The following SLC2A9 variants were observed in gnomAD, a reference collection of about 807,000 sequenced individuals.
The protein encoded by SLC2A9 is solute carrier family 2 member 9.
A neutral mutation model predicts 50.6 loss-of-function variants in SLC2A9; 39 were observed. That is an observed-to-expected ratio of 0.77 (90% CI 0.60 to 1.01). SLC2A9 has a LOEUF of 1.01. Ranked by LOEUF, SLC2A9 falls within the 50% of genes least tolerant of loss-of-function variation. The pLI is 0.00. For synonymous variants in SLC2A9, 324 were observed against 276.9 expected, an observed-to-expected ratio of 1.17 and a Z score of -1.69; for missense variants, 686 against 677.6, an observed-to-expected ratio of 1.01 and a Z score of -0.14.
rs1295389510 is a variant in SLC2A9 at position 9,929,038 on chromosome 4, T to C, written c.815-8466A>G. Among the ~76,000 whole-genome samples the C allele has an allele frequency of 3.3e-5, 5 of 152,256 alleles. No homozygotes were observed. In the East Asian group the frequency reaches 9.6e-4, roughly 29 times the overall value. On this transcript the variant is annotated intron_variant, in intron 6 of 11. Transcript: ENST00000264784. ...CCGCTTCATCAAGTTCAGCCAGCCT[T>C]GTCACCTGCTTCTGTTTGGAGCTAC...
At chr4:9,835,980 G>A (rs567820245) in intron 10 of SLC2A9, among the ~76,000 whole-genome samples, 4 of 150,178 alleles carry the variant, frequency 2.7e-5, no homozygotes, top group African/African-American at 4.9e-5. Context: ...CCGGCTACTC[G>A]AGAGGCTGAG....
intron 3 of SLC2A9, among the ~76,000 whole-genome samples, chr4:9,802,002 G>A (rs1560131149): frequency 1.3e-5 from 2 of 152,200 alleles, no homozygotes; most frequent in Non-Finnish European, 2.9e-5. Context: ...TGTTTGGGCT[G>A]CAGCGCTGGG....
chr4:9,874,425 C>T (rs745910263), intron 10 of SLC2A9, among the ~76,000 whole-genome samples: 5 of 152,154 alleles, frequency 3.3e-5, no homozygotes, highest in Non-Finnish European at 7.3e-5. Flanking sequence ...TGTCTGCTTA[C>T]CCCACCCGTG....
Position 9,997,059 on chromosome 4 carries a change from A to G in SLC2A9, c.250-118T>C, listed in dbSNP as rs909620491. 6 of 1,217,120 alleles carry G rather than the reference A, an allele frequency of 4.9e-6. No individual in the cohort carries two copies. In the Admixed American group the frequency reaches 5.2e-5, roughly 11 times the overall value. 75.4% of individuals were successfully genotyped at this position (1,217,120 alleles called of 1,614,324 possible). On this transcript the variant is annotated intron_variant, in intron 2 of 11. Coordinates refer to ENST00000264784, the MANE Select transcript of SLC2A9 (RefSeq NM_020041.3). The stretch of plus-strand genomic sequence containing the variant: ...CATTTTCATGCATAGCACTTTGCTA[A>G]TTTGTTTGAGCTTTATCTCATTGGC...
At chr4:9,787,717 T>G (rs1447958222) in intron 3 of SLC2A9, among the ~76,000 whole-genome samples, 1 of 152,232 alleles carries the variant, frequency 6.6e-6, no homozygotes, top group African/African-American at 2.4e-5. Context: ...TTGTGAAGAT[T>G]ACCTGGCCAG....
At chr4:9,993,554 A>G (rs1434631322) in intron 3 of SLC2A9, among the ~76,000 whole-genome samples, 1 of 152,156 alleles carries the variant, frequency 6.6e-6, no homozygotes, top group African/African-American at 2.4e-5. Context: ...AACTAAGTAA[A>G]GATGAAAGAG....
intron 5 of SLC2A9, among the ~76,000 whole-genome samples, chr4:9,976,673 A>G (rs1173207623): frequency 6.6e-6 from 1 of 152,214 alleles, no homozygotes; most frequent in Admixed American, 6.5e-5. Context: ...ATAGGAACCA[A>G]TGGTACACCT....
chr4:9,911,427 T>C (rs920925726), intron 7 of SLC2A9, among the ~76,000 whole-genome samples: 2 of 152,184 alleles, frequency 1.3e-5, no homozygotes, highest in African/African-American at 4.8e-5. Context: ...GCTTATTTGA[T>C]TGGACAGTTT....
chr4:9,866,457 G>C (rs1318470363), intron 10 of SLC2A9, among the ~76,000 whole-genome samples: 2 of 150,404 alleles, frequency 1.3e-5, no homozygotes, highest in East Asian at 3.9e-4. Context: ...TGTGGCCATG[G>C]AGTTTGCTTC....
chr4:9,965,220 T>G (rs1752875302), intron 5 of SLC2A9, among the ~76,000 whole-genome samples: 1 of 152,126 alleles, frequency 6.6e-6, no homozygotes, highest in Admixed American at 6.6e-5. Flanking sequence ...GTGTGAGAGG[T>G]GTGGGGAGCT....
chr4:9,853,838 A>T (rs1357832300), intron 10 of SLC2A9, among the ~76,000 whole-genome samples: 1 of 152,234 alleles, frequency 6.6e-6, no homozygotes, highest in Non-Finnish European at 1.5e-5. Context: ...TTTACTAAGA[A>T]GATCACTGAA....
chr4:9,996,893 G>A lies in SLC2A9; in HGVS notation c.298C>T (p.Pro100Ser), dbSNP rs773070784. Residue 100 changes from proline to serine, a missense_variant, in exon 3 of 12, where the codon CCA becomes TCA. Transcript: ENST00000264784. ...NESWERRHGR[P>S]IDPDTLTLLW... ...AAAGTCAGAGTGTCTGGGTCTATTG[G>A]ACGTCCATGCCTTCTTTCCCATGAC... The A allele has an allele frequency of 6.2e-7, 1 of 1,614,148 alleles. No homozygotes were observed. The highest frequency in any genetic ancestry group is 1.1e-5 in the South Asian group (1 of 91,086).
intron 3 of SLC2A9, among the ~76,000 whole-genome samples, chr4:9,814,240 T>A (rs889017661): frequency 6.6e-6 from 1 of 152,228 alleles, no homozygotes; most frequent in Non-Finnish European, 1.5e-5. Context: ...ATCAGTGGTT[T>A]GTCTTACCTA....
At chr4:9,834,657 C>T (rs77957927) in intron 11 of SLC2A9, among the ~76,000 whole-genome samples, 751 of 152,284 alleles carry the variant, frequency 4.9e-3, no homozygotes, top group Non-Finnish European at 8.6e-3. Flanking sequence ...GGGTAGCCCA[C>T]ACCCTCTGAA....
rs78334058 is a variant in SLC2A9 at position 9,902,903 on chromosome 4, A to G, written c.1113+5332T>C. 8.2e-3 allele frequency among the ~76,000 whole-genome samples: 1,251 copies of G among 152,360 alleles called. 16 individuals carry two copies. Among genetic ancestry groups the G allele is most frequent in the African/African-American group, 0.029 (1,208 of 41,588 alleles). The stretch of plus-strand genomic sequence containing the variant: ...GAGGTGCAATTCAACCCATAACAAT[A>G]GTGAACATTTATTGAGTATGTTCTC... On this transcript the variant is annotated intron_variant, in intron 8 of 11. Transcript: ENST00000264784.
chr4:9,792,163 C>CTTTTTTT (rs34289788), intron 3 of SLC2A9, among the ~76,000 whole-genome samples: 21 of 77,222 alleles, frequency 2.7e-4, no homozygotes, highest in Non-Finnish European at 3.8e-4. Flanking sequence ...TTCTATGTTT[C>CTTTTTTT]TTTTTTTTTT....
intron 2 of SLC2A9, among the ~76,000 whole-genome samples, chr4:10,005,310 C>T (rs1578295239): frequency 6.6e-6 from 1 of 152,326 alleles, no homozygotes; most frequent in East Asian, 1.9e-4. Flanking sequence ...CCGGAGACCA[C>T]AGGTTGCCAC....
chr4:9,949,603 GCT>G (rs1749834182), intron 5 of SLC2A9, among the ~76,000 whole-genome samples: 1 of 152,168 alleles, frequency 6.6e-6, no homozygotes, highest in South Asian at 2.1e-4. Flanking sequence ...CCTGTACGGG[GCT>G]CTTTCCTTGA....
chr4:9,782,647 C>CT, intron 3 of SLC2A9: 1 of 1,614,040 alleles, frequency 6.2e-7, no homozygotes. Flanking sequence ...GGGAGGAGGA[C>CT]TTTTGGGAGC....
Sources: allele counts gnomAD v4.1 joint callset (sites outside exome capture counted in the v4.1 genomes callset), GRCh38; gene constraint gnomAD v4.1.1; transcripts MANE v1.5; gene names NCBI Gene and HGNC (gene_info 2026-07-23, HGNC 2026-07-21).